The following CEMIP2 variants were observed in gnomAD, a reference collection of about 807,000 sequenced individuals.
The protein encoded by CEMIP2 is cell surface hyaluronidase CEMIP2.
A neutral mutation model predicts 146.9 loss-of-function variants in CEMIP2; 79 were observed. That is an observed-to-expected ratio of 0.54 (90% CI 0.45 to 0.65). The LOEUF (loss-of-function observed/expected upper bound fraction) is 0.65. Ranked by LOEUF, CEMIP2 falls within the 30% of genes least tolerant of loss-of-function variation. The pLI is 0.00. For missense variants in CEMIP2, 1,596 were observed against 1,696.2 expected, an observed-to-expected ratio of 0.94 and a Z score of 1.04; for synonymous variants, 601 against 606.3, an observed-to-expected ratio of 0.99 and a Z score of 0.13.
At chr9:71,750,803 G>A (rs1007888047) in intron 1 of CEMIP2, among the ~76,000 whole-genome samples, 1 of 151,894 alleles carries the variant, frequency 6.6e-6, no homozygotes, top group Non-Finnish European at 1.5e-5. Context: ...CTGAAGTGCA[G>A]TGGCATGATC....
chr9:71,706,936 T>G (rs1299233789), intron 17 of CEMIP2, among the ~76,000 whole-genome samples: 2 of 152,170 alleles, frequency 1.3e-5, no homozygotes, highest in Non-Finnish European at 2.9e-5. Context: ...CAAGCGATTC[T>G]CCTGCCTCAG....
rs569260215 is a variant in CEMIP2, at chr9:71,686,206, C to T, written c.3852-360G>A. 4.5e-4 allele frequency: 88 copies of T among 196,602 alleles called. 1 individual carries two copies. Among genetic ancestry groups the T allele is most frequent in the South Asian group, 7.6e-4 (8 of 10,464 alleles). 12.2% of individuals were successfully genotyped at this position (196,602 alleles called of 1,614,324 possible). A position where few individuals can be genotyped will look rare whatever the true frequency, so the allele number is the denominator to read the frequency against. On this transcript the variant is annotated intron_variant, in intron 22 of 23. Coordinates refer to ENST00000377044, the MANE Select transcript of CEMIP2 (RefSeq NM_013390.3). ...AGCTTCATCTGTATTTACAGCCACC[C>T]CACAACACTTGCATTACAGCCTGAG... is the stretch of plus-strand genomic sequence containing the variant.
intron 1 of CEMIP2, 35 bp downstream of exon 1, chr9:71,768,322 G>A (rs1161973834): frequency 1.3e-5 from 2 of 152,090 alleles, no homozygotes; most frequent in African/African-American, 4.8e-5. Flanking sequence ...GAGGTGGAGC[G>A]GGGTGGGGGG....
At chr9:71,765,535 T>A (rs1824764825) in intron 1 of CEMIP2, among the ~76,000 whole-genome samples, 1 of 152,158 alleles carries the variant, frequency 6.6e-6, no homozygotes, top group African/African-American at 2.4e-5. Context: ...AGTCCTCCAA[T>A]CTTCACCATT....
chr9:71,712,167 G>T lies in CEMIP2; in HGVS notation c.2685C>A (p.Tyr895Ter). The T allele has an allele frequency of 6.2e-7, 1 of 1,614,188 alleles. No homozygotes were observed. The highest frequency in any genetic ancestry group is 2.2e-5 in the East Asian group (1 of 44,884). The stretch of plus-strand genomic sequence containing the variant: ...TCATGAGGAAGCCAATTGCACTGCT[G>T]TACCTATCTGGAGTTGGCACATATT... ...FKKYVPTPDR[Y>*]SSAIGFLMKN... Residue 895 changes from tyrosine (Y) to a stop codon, truncating the protein, a stop_gained, in exon 16 of 24, where the codon TAC becomes TAA. Coordinates refer to ENST00000377044, the MANE Select transcript of CEMIP2 (RefSeq NM_013390.3). LOFTEE classifies it high-confidence loss of function.
At position 71,720,314 on chromosome 9, in the gene CEMIP2, G is replaced by A. The variant is rs114084047; in HGVS notation, c.2267+2113C>T. Among the ~76,000 whole-genome samples, 483 of 152,204 alleles carry A rather than the reference G, an allele frequency of 3.2e-3. 3 individuals are homozygous for A. Among genetic ancestry groups the A allele is most frequent in the African/African-American group, 0.011 (451 of 41,528 alleles). ...GTTTTTTTGTTTGTTTTTTTGAGAT[G>A]GAGTCTTGCCTTTTTGCTCAGGCTA... is the stretch of plus-strand genomic sequence containing the variant. On this transcript the variant is annotated intron_variant, in intron 12 of 23. Coordinates refer to ENST00000377044, the MANE Select transcript of CEMIP2 (RefSeq NM_013390.3).
intron 20 of CEMIP2, among the ~76,000 whole-genome samples, chr9:71,694,820 T>C (rs1407791636): frequency 2.6e-5 from 4 of 152,252 alleles, no homozygotes; most frequent in Non-Finnish European, 5.9e-5. Flanking sequence ...CAGTTTCAAA[T>C]AAATATTATT....
rs1323992951 is a variant in CEMIP2 at position 71,685,730 on chromosome 9, T to A, written c.3955+13A>T. 2 of 1,605,358 alleles carry A rather than the reference T, an allele frequency of 1.2e-6. No individual in the cohort carries two copies. Among genetic ancestry groups the A allele is most frequent in the South Asian group, 2.2e-5 (2 of 90,820 alleles). On this transcript the variant is annotated intron_variant, in intron 23 of 23. Transcript: ENST00000377044. ...GCCCTGTAAGAACTTCATGAAATAA[T>A]ACAAATACAAACCTTTGTCATAAAG...
In CEMIP2 at chr9:71,709,287, G is replaced by A. The variant is rs535857694; in HGVS notation, c.2957C>T (p.Ala986Val). 4 of 1,614,152 alleles carry A rather than the reference G, an allele frequency of 2.5e-6. No homozygotes were observed. Among genetic ancestry groups the A allele is most frequent in the Non-Finnish European group, 1.7e-6 (2 of 1,180,012 alleles). Reference sequence around the variant, plus strand: ...TGCATAGGTCCCACTGCAGATCACTGCATTCCACTTAGACACATTTACACA... The same window carrying A: ...TGCATAGGTCCCACTGCAGATCACTACATTCCACTTAGACACATTTACACA... ...PSCVNVSKWN[A>V]VICSGTYAQV... Residue 986 changes from alanine (A) to valine (V), a missense_variant, in exon 17 of 24, where the codon GCA (alanine) becomes GTA (valine). By Grantham distance (64) the Ala-to-Val change is moderately conservative (BLOSUM62 0). Coordinates refer to ENST00000377044, the MANE Select transcript of CEMIP2 (RefSeq NM_013390.3).
chr9:71,685,676 A>T, intron 23 of CEMIP2, 67 bp downstream of exon 23: 1 of 1,329,392 alleles, frequency 7.5e-7, no homozygotes, highest in South Asian at 1.2e-5. Flanking sequence ...TGGTAGCTGA[A>T]TTGCACCATA....
At chr9:71,713,765 A>T (rs2131914076) in intron 15 of CEMIP2, among the ~76,000 whole-genome samples, 1 of 152,332 alleles carries the variant, frequency 6.6e-6, no homozygotes, top group South Asian at 2.1e-4. Flanking sequence ...CTGGGTTTGA[A>T]TTCCACCTTC....
In CEMIP2 at chr9:71,716,528, C is replaced by A; in HGVS notation, c.2424G>T (p.Leu808=). The stretch of plus-strand genomic sequence containing the variant: ...AAGCAATTACAAACCTGGCAAAGGT[C>A]AGTCCTATTCCATTATCTGCAAATC... ...NSAFADNGIG[L]TFASDGSFPS... The change falls in exon 14 of 24, where the codon CTG becomes CTT. Residue 808 remains leucine, a synonymous_variant. Transcript: ENST00000377044. 1 of 1,596,588 alleles carries A rather than the reference C, an allele frequency of 6.3e-7. No homozygotes were observed. Among genetic ancestry groups the A allele is most frequent in the South Asian group, 1.1e-5 (1 of 87,578 alleles).
At chr9:71,696,759 G>C (rs945714524) in intron 20 of CEMIP2, among the ~76,000 whole-genome samples, 2 of 151,850 alleles carry the variant, frequency 1.3e-5, no homozygotes, top group Non-Finnish European at 2.9e-5. Context: ...AACAGAGAGA[G>C]ACTCCATCTC....
chr9:71,735,598 G>A (rs947561462), intron 5 of CEMIP2, among the ~76,000 whole-genome samples: 11 of 151,984 alleles, frequency 7.2e-5, no homozygotes, highest in African/African-American at 2.4e-4. Flanking sequence ...ACCAGCCTGG[G>A]CAACATAGTG....
At position 71,735,001 on chromosome 9, in the gene CEMIP2, CAAAA is replaced by C. The variant is rs71353514; in HGVS notation, c.1205-11_1205-8del. The C allele has an allele frequency of 0.091, 132,245 of 1,457,752 alleles. 5,425 individuals are homozygous for C. The highest frequency in any genetic ancestry group is 0.19 in the South Asian group (15,229 of 79,484). The allele number at this position is 1,457,752 out of a possible 1,614,324, so 90.3% of individuals were successfully genotyped here. On this transcript the variant is annotated splice_region_variant and splice_polypyrimidine_tract_variant and intron_variant, in intron 5 of 23. Coordinates refer to ENST00000377044, the MANE Select transcript of CEMIP2 (RefSeq NM_013390.3). The stretch of plus-strand genomic sequence containing the variant: ...AATCCTGAAAGAGAAACGCCTAAAC[CAAAA>C]AAAAAAAAAAGAAAAAGAAAGTGAT...
chr9:71,765,706 T>C (rs1286004560), intron 1 of CEMIP2, among the ~76,000 whole-genome samples: 1 of 152,230 alleles, frequency 6.6e-6, no homozygotes, highest in South Asian at 2.1e-4. Flanking sequence ...TTATTGGACC[T>C]TCTAATTGTT....
chr9:71,694,432 T>C (rs1341747126), intron 21 of CEMIP2, 77 bp downstream of exon 21: 5 of 1,216,732 alleles, frequency 4.1e-6, no homozygotes, highest in Non-Finnish European at 6.0e-6. Flanking sequence ...CAATTTCTGT[T>C]GTTTATAAGC....
At chr9:71,709,233 G>C (rs7046059) in intron 17 of CEMIP2, 26 bp downstream of exon 17, 2 of 1,608,730 alleles carry the variant, frequency 1.2e-6, no homozygotes, top group Admixed American at 3.3e-5. Flanking sequence ...GTAGGAACTT[G>C]AGCATTATAC....
intron 18 of CEMIP2, among the ~76,000 whole-genome samples, chr9:71,701,414 T>A (rs1052584702): frequency 6.6e-6 from 1 of 152,138 alleles, no homozygotes; most frequent in Non-Finnish European, 1.5e-5. Flanking sequence ...CCCTAAAAAT[T>A]CTTAGTTTTA....
Sources: allele counts gnomAD v4.1 joint callset (sites outside exome capture counted in the v4.1 genomes callset), GRCh38; gene constraint gnomAD v4.1.1; transcripts MANE v1.5; gene names NCBI Gene and HGNC (gene_info 2026-07-23, HGNC 2026-07-21).